Variants in DCLK2 observed in about 807,000 individuals in gnomAD.
DCLK2 encodes serine/threonine-protein kinase DCLK2.
DCLK2 carries 31 observed loss-of-function variants against 78.4 expected under a neutral mutation model. The observed-to-expected ratio is 0.40, with a 90% CI of 0.30 to 0.53. The LOEUF (loss-of-function observed/expected upper bound fraction) is 0.53. Among genes scored for constraint, DCLK2 ranks in the 20% least tolerant of loss-of-function variants. DCLK2 has a pLI of 0.61. For synonymous variants in DCLK2, 407 were observed against 374.9 expected (o/e 1.09, Z -0.99); for missense variants, 872 against 973.7 (o/e 0.90, Z 1.39).
At chr4:150,167,226 A>G (rs1479595055) in intron 2 of DCLK2, among the ~76,000 whole-genome samples, 1 of 152,240 alleles carries the variant, frequency 6.6e-6, no homozygotes, top group Non-Finnish European at 1.5e-5. Flanking sequence ...GCCTGGCAGC[A>G]GGCCTGCAGA....
chr4:150,247,526 G>A (rs1004170781), intron 12 of DCLK2, 77 bp from the exon 13 acceptor site: 17 of 1,284,462 alleles, frequency 1.3e-5, no homozygotes, highest in African/African-American at 4.4e-5. Context: ...TCCTTTCCCC[G>A]CTCTTCCTGT....
At chr4:150,171,848 G>T (rs769757881) in intron 2 of DCLK2, among the ~76,000 whole-genome samples, 1 of 152,174 alleles carries the variant, frequency 6.6e-6, no homozygotes, top group South Asian at 2.1e-4. Context: ...ACACTGGCTG[G>T]TCTACTCATT....
chr4:150,222,227 T>C (rs1741240811), intron 7 of DCLK2, among the ~76,000 whole-genome samples: 1 of 152,094 alleles, frequency 6.6e-6, no homozygotes, highest in Non-Finnish European at 1.5e-5. Context: ...AGTGCTGGAA[T>C]TACAGGCATG....
At chr4:150,186,914 G>GTGTGTC (rs1174186468) in intron 2 of DCLK2, among the ~76,000 whole-genome samples, 1 of 151,910 alleles carries the variant, frequency 6.6e-6, no homozygotes, top group Non-Finnish European at 1.5e-5. Flanking sequence ...GTGTGTGTGT[G>GTGTGTC]TGTGTGTGTG....
chr4:150,122,099 T>G (rs962475889), intron 2 of DCLK2, among the ~76,000 whole-genome samples: 3 of 152,218 alleles, frequency 2.0e-5, no homozygotes, highest in African/African-American at 7.2e-5. Context: ...AGCATTGGCT[T>G]CTTTTACTCT....
intron 5 of DCLK2, among the ~76,000 whole-genome samples, chr4:150,214,578 T>C (rs543245628): frequency 6.6e-6 from 1 of 152,278 alleles, no homozygotes; most frequent in East Asian, 1.9e-4. Flanking sequence ...TATGGCCGTT[T>C]TCATACTCCA....
Position 150,174,969 on chromosome 4 carries a change from G to A in DCLK2, c.757-18169G>A, listed in dbSNP as rs578057852. On this transcript the variant is annotated intron_variant, in intron 2 of 15. Coordinates refer to ENST00000296550, the MANE Select transcript of DCLK2 (RefSeq NM_001040260.4). ...GCCGAGATCACAACATGGCACTCCAGCCTGGGTGATGGAGTGAGACTCCGT... is the reference window on the plus strand; with the variant it reads ...GCCGAGATCACAACATGGCACTCCAACCTGGGTGATGGAGTGAGACTCCGT... Among the ~76,000 whole-genome samples, 182 of 124,968 alleles carry A rather than the reference G, an allele frequency of 1.5e-3. 3 individuals are homozygous for A. The highest frequency in any genetic ancestry group is 5.5e-3 in the African/African-American group (175 of 31,770). 82.0% of individuals were successfully genotyped at this position (124,968 alleles called of 152,430 possible). A position where few individuals can be genotyped will look rare whatever the true frequency, so the allele number is the denominator to read the frequency against.
At chr4:150,138,305 C>T (rs1733838545) in intron 2 of DCLK2, among the ~76,000 whole-genome samples, 1 of 152,292 alleles carries the variant, frequency 6.6e-6, no homozygotes, top group Non-Finnish European at 1.5e-5. Context: ...TCAGTTCCTC[C>T]ATTGTTGAAA....
chr4:150,171,261 A>T (rs1218432198), intron 2 of DCLK2, among the ~76,000 whole-genome samples: 1 of 152,204 alleles, frequency 6.6e-6, no homozygotes, highest in African/African-American at 2.4e-5. Flanking sequence ...CGGGTGAATC[A>T]TGAGGTCAGG....
In DCLK2 at chr4:150,242,102, G is replaced by A. The variant is rs577204000; in HGVS notation, c.1778+1626G>A. Among the ~76,000 whole-genome samples, 32 of 152,200 alleles carry A rather than the reference G, an allele frequency of 2.1e-4. No homozygotes were observed. In the South Asian group the frequency reaches 4.1e-3, roughly 20 times the overall value. ...AAAGGATTATCTTTTTAAAATTCTC[G>A]GTTTTCCCATTGCGTTGAACAATTT... On this transcript the variant is annotated intron_variant, in intron 12 of 15. Coordinates refer to ENST00000296550, the MANE Select transcript of DCLK2 (RefSeq NM_001040260.4).
chr4:150,210,164 A>G (rs1740181874), intron 5 of DCLK2, among the ~76,000 whole-genome samples: 1 of 152,166 alleles, frequency 6.6e-6, no homozygotes, highest in African/African-American at 2.4e-5. Flanking sequence ...ACCTTGGATA[A>G]GTCACATCAC....
At chr4:150,218,072 T>G (rs1282060244) in intron 5 of DCLK2, among the ~76,000 whole-genome samples, 7 of 149,872 alleles carry the variant, frequency 4.7e-5, no homozygotes, top group Admixed American at 6.6e-5. Flanking sequence ...TCTCTCGCTC[T>G]CTCTCTCCTC....
At chr4:150,240,352 C>G in intron 11 of DCLK2, 47 bp from the exon 12 acceptor site, 1 of 1,554,532 alleles carries the variant, frequency 6.4e-7, no homozygotes, top group Non-Finnish European at 8.9e-7. Context: ...ATGGAAGGGT[C>G]TTGGGAGCCA....
rs1729584749 is a variant in DCLK2 at position 150,085,623 on chromosome 4, G to A, written c.421+6175G>A. On this transcript the variant is annotated intron_variant, in intron 1 of 15. Transcript: ENST00000296550. ...GGGAGATGTGTTCAACCCACAGCAG[G>A]AGGTGAATAAATCATAAAGGCAGAG... 3.3e-5 allele frequency among the ~76,000 whole-genome samples: 5 copies of A among 152,250 alleles called. No homozygotes were observed. The South Asian group carries it at 1.0e-3, about 32-fold the overall frequency.
intron 5 of DCLK2, among the ~76,000 whole-genome samples, chr4:150,216,393 C>T (rs145032231): frequency 0.015 from 2,288 of 152,318 alleles, 63 homozygotes; most frequent in African/African-American, 0.052. Flanking sequence ...AATCCCAGCA[C>T]TTTGGGAGGC....
intron 2 of DCLK2, among the ~76,000 whole-genome samples, chr4:150,117,142 G>C (rs1446938335): frequency 6.6e-6 from 1 of 152,170 alleles, no homozygotes; most frequent in Non-Finnish European, 1.5e-5. Flanking sequence ...GTGGGGATCA[G>C]GGGTCAGTTC....
chr4:150,160,727 A>G (rs1048933136), intron 2 of DCLK2, among the ~76,000 whole-genome samples: 1 of 152,238 alleles, frequency 6.6e-6, no homozygotes, highest in African/African-American at 2.4e-5. Context: ...CATCAGGTTC[A>G]TTCCTGTTGG....
intron 12 of DCLK2, among the ~76,000 whole-genome samples, chr4:150,246,191 C>T (rs970045845): frequency 3.9e-5 from 6 of 152,046 alleles, no homozygotes; most frequent in Non-Finnish European, 5.9e-5. Flanking sequence ...ATTACAGGTG[C>T]GCACCACCAT....
chr4:150,183,487 G>A (rs1448053753), intron 2 of DCLK2, among the ~76,000 whole-genome samples: 2 of 152,094 alleles, frequency 1.3e-5, no homozygotes, highest in Admixed American at 1.3e-4. Context: ...GGTGTCCAGG[G>A]CCAAAATTTG....
Sources: gnomAD v4.1 joint callset for allele counts (sites outside exome capture counted in the v4.1 genomes callset) on GRCh38, gnomAD v4.1.1 for gene constraint, MANE v1.5 for transcripts, NCBI Gene and HGNC (gene_info 2026-07-23, HGNC 2026-07-21) for gene names.